The following CEP89 variants were observed in gnomAD, a reference collection of about 807,000 sequenced individuals.
CEP89 encodes centrosomal protein 89.
Under a neutral mutation model 97.6 loss-of-function variants are expected in CEP89, and 95 were observed. The observed-to-expected ratio is 0.97, with a 90% confidence interval of 0.82 to 1.15. The LOEUF (loss-of-function observed/expected upper bound fraction) is 1.15. CEP89 is among the 50% of genes most tolerant of loss of function. The probability of loss-of-function intolerance (pLI) is 0.00; values close to 1 mark genes in which losing one functional copy is unlikely to be tolerated. For missense variants in CEP89, 869 were observed against 947.7 expected (o/e 0.92, Z 1.09); for synonymous variants, 354 against 349.1 (o/e 1.01, Z -0.16).
intron 14 of CEP89, among the ~76,000 whole-genome samples, chr19:32,909,420 C>G (rs571750683): frequency 6.6e-6 from 1 of 152,304 alleles, no homozygotes; most frequent in East Asian, 1.9e-4. Flanking sequence ...TGACACAGTA[C>G]ACACCAAGTA....
rs140240536 is a variant in CEP89 at position 32,915,876 on chromosome 19, G to T, written c.1385-359C>A. Among the ~76,000 whole-genome samples the T allele has an allele frequency of 2.5e-4, 37 of 146,276 alleles. No individual in the cohort carries two copies. In the East Asian group the frequency reaches 3.6e-3, roughly 14 times the overall value. On this transcript the variant is annotated intron_variant, in intron 13 of 18. Transcript: ENST00000305768. ...AGAAGGCTCAGTGAGCTGAGATCAC[G>T]CCACTGCACTTCAGCCTGGGCAACA...
intron 14 of CEP89, among the ~76,000 whole-genome samples, chr19:32,913,471 CAT>C (rs992914645): frequency 2.6e-5 from 4 of 151,890 alleles, no homozygotes; most frequent in African/African-American, 9.7e-5. Context: ...CGCACATACA[CAT>C]GTAATTATAC....
intron 17 of CEP89, among the ~76,000 whole-genome samples, chr19:32,885,282 C>A (rs1969370924): frequency 6.6e-6 from 1 of 152,226 alleles, no homozygotes; most frequent in South Asian, 2.1e-4. Flanking sequence ...TCGCTCACTA[C>A]AAGTTAATTT....
At chr19:32,971,161 G>A (rs540534882) in intron 1 of CEP89, 6 of 223,020 alleles carry the variant, frequency 2.7e-5, no homozygotes, top group Non-Finnish European at 5.2e-5. Flanking sequence ...CTGGAGGCCG[G>A]GGTGTGGGTG....
At chr19:32,944,620 G>C in intron 5 of CEP89, among the ~76,000 whole-genome samples, 1 of 152,180 alleles carries the variant, frequency 6.6e-6, no homozygotes, top group Non-Finnish European at 1.5e-5. Context: ...CTGGAGAGGT[G>C]TATCACTTGA....
chr19:32,887,636 T>C, intron 17 of CEP89, 116 bp downstream of exon 17: 1 of 661,772 alleles, frequency 1.5e-6, no homozygotes, highest in Non-Finnish European at 2.7e-6. Flanking sequence ...TTTTACTCTG[T>C]GGACTATTAG....
At position 32,926,285 on chromosome 19, in the gene CEP89, G is replaced by GTT; in HGVS notation, c.1081-13_1081-12insAA. ...TACTTTATATCCAACTGAAGATAGA[G>GTT]AGTAAAGGAAGGTTAATATATTTCT... On this transcript the variant is annotated splice_polypyrimidine_tract_variant and intron_variant, in intron 10 of 18. Coordinates refer to ENST00000305768, the MANE Select transcript of CEP89 (RefSeq NM_032816.5). The GTT allele has an allele frequency of 6.3e-7, 1 of 1,578,432 alleles. No individual in the cohort carries two copies. Among genetic ancestry groups the GTT allele is most frequent in the South Asian group, 1.1e-5 (1 of 89,766 alleles).
At chr19:32,923,106 C>A (rs1970285126) in intron 12 of CEP89, among the ~76,000 whole-genome samples, 1 of 152,080 alleles carries the variant, frequency 6.6e-6, no homozygotes, top group African/African-American at 2.4e-5. Context: ...GTTCTGAAAC[C>A]CTGGGAGCCA....
chr19:32,944,467 C>A (rs117342891), intron 5 of CEP89, among the ~76,000 whole-genome samples: 1 of 152,080 alleles, frequency 6.6e-6, no homozygotes, highest in African/African-American at 2.4e-5. Flanking sequence ...ATGTTAACCA[C>A]GTGGTATGCT....
intron 5 of CEP89, among the ~76,000 whole-genome samples, chr19:32,944,948 A>T (rs1054110394): frequency 1.5e-4 from 23 of 152,188 alleles, no homozygotes; most frequent in Admixed American, 3.3e-4. Flanking sequence ...GGAGAAAATG[A>T]GGTAAGTAAG....
At chr19:32,913,318 TGTTG>T (rs1970051977) in intron 14 of CEP89, among the ~76,000 whole-genome samples, 1 of 95,466 alleles carries the variant, frequency 1.0e-5, no homozygotes, top group African/African-American at 4.1e-5. Flanking sequence ...TTTTTGTTGT[TGTTG>T]TTGTTGTTGT....
chr19:32,946,091 G>C (rs959315216), intron 5 of CEP89, among the ~76,000 whole-genome samples: 1 of 152,068 alleles, frequency 6.6e-6, no homozygotes, highest in African/African-American at 2.4e-5. Flanking sequence ...AGGCAATCCT[G>C]TTGTTATTAT....
At chr19:32,957,266 C>A (rs1971068067) in intron 3 of CEP89, among the ~76,000 whole-genome samples, 1 of 152,060 alleles carries the variant, frequency 6.6e-6, no homozygotes, top group South Asian at 2.1e-4. Context: ...GACTGGGTTG[C>A]TTTTTAGTCT....
At chr19:32,941,169 G>A (rs1970679488) in intron 5 of CEP89, among the ~76,000 whole-genome samples, 1 of 152,066 alleles carries the variant, frequency 6.6e-6, no homozygotes, top group Non-Finnish European at 1.5e-5. Flanking sequence ...ACAAAATTCA[G>A]ACAACAGAAG....
chr19:32,930,217 G>A (rs1017217286), intron 9 of CEP89, among the ~76,000 whole-genome samples: 7 of 151,734 alleles, frequency 4.6e-5, no homozygotes, highest in African/African-American at 1.7e-4. Context: ...TAGCATAGAT[G>A]GGAATTCACC....
At chr19:32,890,600 G>T (rs946417325) in intron 16 of CEP89, among the ~76,000 whole-genome samples, 8 of 152,148 alleles carry the variant, frequency 5.3e-5, no homozygotes, top group Non-Finnish European at 1.2e-4. Flanking sequence ...AGGAGAGGGA[G>T]ACGACAGCCC....
chr19:32,930,319 T>C (rs1300355444), intron 9 of CEP89, among the ~76,000 whole-genome samples: 1 of 152,144 alleles, frequency 6.6e-6, no homozygotes, highest in Non-Finnish European at 1.5e-5. Context: ...TGAGCCACCA[T>C]GCCCAGCCAA....
At position 32,960,036 on chromosome 19, in the gene CEP89, G is replaced by T; in HGVS notation, c.169C>A (p.Leu57Met). ...RPRSALAAAI[L>M]ATTLTGRTVA... is the part of the protein sequence containing the mutation. ...GTCCGCCCAGTCAATGTTGTCGCCA[G>T]AATGGCTGCTGCCAGAGCAGATCTG... The change falls in exon 3 of 19, where the codon CTG becomes ATG. Residue 57 changes from leucine (L) to methionine (M), a missense_variant. Transcript: ENST00000305768. 1 of 1,614,258 alleles carries T rather than the reference G, an allele frequency of 6.2e-7. No individual in the cohort carries two copies. The highest frequency in any genetic ancestry group is 2.2e-5 in the East Asian group (1 of 44,890).
chr19:32,953,699 G>T lies in CEP89; in HGVS notation c.408C>A (p.Ser136Arg), dbSNP rs143380110. Reference sequence around the variant, plus strand: ...CACTGACATCCCCCAATTCCTTGCCGCTGGATGACAGCTGAGTTTCAATGT... The same window carrying T: ...CACTGACATCCCCCAATTCCTTGCCTCTGGATGACAGCTGAGTTTCAATGT... ...EEDIETQLSS[S>R]GKELGDVSAR... Residue 136 changes from serine (S) to arginine (R), a missense_variant, in exon 4 of 19, where the codon AGC becomes AGA. Coordinates refer to ENST00000305768, the MANE Select transcript of CEP89 (RefSeq NM_032816.5). The T allele has an allele frequency of 3.1e-6, 5 of 1,613,738 alleles. No individual in the cohort carries two copies. In the African/African-American group the frequency reaches 6.7e-5, roughly 22 times the overall value.
Sources: allele counts gnomAD v4.1 joint callset (sites outside exome capture counted in the v4.1 genomes callset), GRCh38; gene constraint gnomAD v4.1.1; transcripts MANE v1.5; gene names NCBI Gene and HGNC (gene_info 2026-07-23, HGNC 2026-07-21).